Variants in CACNA1A observed in about 807,000 individuals in gnomAD.
CACNA1A encodes calcium voltage-gated channel subunit alpha1 A.
In CACNA1A, 57 loss-of-function variants were observed where a neutral mutation model predicts 262.4. The ratio of observed to expected loss-of-function variants is 0.22; its 90% CI spans 0.18 to 0.27. The LOEUF (loss-of-function observed/expected upper bound fraction) is 0.27, where lower values mean the gene tolerates loss of function less well. Ranked by LOEUF, CACNA1A falls within the 10% of genes least tolerant of loss-of-function variation. CACNA1A has a pLI of 1.00. For synonymous variants in CACNA1A, 1,431 were observed against 1,419.3 expected (o/e 1.01, Z -0.18); for missense variants, 2,526 against 3,562.8 (o/e 0.71, Z 7.41).
Position 13,406,509 on chromosome 19 carries a change from A to ATATATATATATATATATGTATG in CACNA1A, c.540-34731_540-34730insCATACATATATATATATATATA, listed in dbSNP as rs1487889235. 2.0e-4 allele frequency among the ~76,000 whole-genome samples: 22 copies of ATATATATATATATATATGTATG among 109,654 alleles called. 3 individuals carry two copies. Among genetic ancestry groups the ATATATATATATATATATGTATG allele is most frequent in the Middle Eastern group, 4.9e-3 (1 of 206 alleles). The allele number at this position is 109,654 out of a possible 152,430, so 71.9% of individuals were successfully genotyped here. On this transcript the variant is annotated intron_variant, in intron 3 of 46. Coordinates refer to ENST00000360228, the MANE Select transcript of CACNA1A (RefSeq NM_001127222.2). ...TATATATATATATATATATATATAT[A>ATATATATATATATATATGTATG]TATGAAGGGAATCTGATCCCTAACA...
At position 13,308,874 on chromosome 19, in the gene CACNA1A, C is replaced by T. The variant is rs72995527; in HGVS notation, c.1669-346G>A. 0.12 allele frequency: 21,013 copies of T among 168,238 alleles called. 1,642 individuals carry two copies. The highest frequency in any genetic ancestry group is 0.32 in the East Asian group (1,975 of 6,144). 10.4% of individuals were successfully genotyped at this position (168,238 alleles called of 1,614,324 possible). A position where few individuals can be genotyped will look rare whatever the true frequency, so the allele number is the denominator to read the frequency against. ...AAACATTTTTATAGAGATAGTGTCT[C>T]GCTAGTATTGCCCAGGCTGGCCTCA... is the stretch of plus-strand genomic sequence containing the variant. On this transcript the variant is annotated intron_variant, in intron 12 of 46. Transcript: ENST00000360228. The surrounding 1 kb of genome is among the most constrained non-coding windows in gnomAD (Gnocchi z 4.2).
intron 3 of CACNA1A, among the ~76,000 whole-genome samples, chr19:13,398,238 G>A (rs1337883979): frequency 1.3e-5 from 2 of 151,414 alleles, no homozygotes; most frequent in Non-Finnish European, 2.9e-5. Flanking sequence ...CTCATGCCTG[G>A]AGGATAAGAG....
intron 1 of CACNA1A, among the ~76,000 whole-genome samples, chr19:13,469,877 C>T (rs2145029885): frequency 6.6e-6 from 1 of 152,148 alleles, no homozygotes; most frequent in African/African-American, 2.4e-5. Flanking sequence ...CCTCTCCTGC[C>T]TTGTCAACCT....
intron 9 of CACNA1A, among the ~76,000 whole-genome samples, chr19:13,331,152 T>C (rs1326156590): frequency 1.3e-5 from 2 of 152,180 alleles, no homozygotes; most frequent in Non-Finnish European, 2.9e-5. Flanking sequence ...ATTCATTTTA[T>C]AACCTTCTGG....
At chr19:13,428,403 C>T (rs1479379139) in intron 3 of CACNA1A, among the ~76,000 whole-genome samples, 1 of 152,098 alleles carries the variant, frequency 6.6e-6, no homozygotes, top group Non-Finnish European at 1.5e-5. Context: ...TCTTGTTGAC[C>T]GATGTGTCAT....
At position 13,275,942 on chromosome 19, in the gene CACNA1A, C is replaced by G; in HGVS notation, c.3897G>C (p.Gly1299=). ...FEMVIKMIDL[G]LVLHQGAYFR... ...AGTAGGCACCCTGATGCAGGACGAGCCCCAGGTCAATCATCTGTGGGGGAG... is the reference window on the plus strand; with the variant it reads ...AGTAGGCACCCTGATGCAGGACGAGGCCCAGGTCAATCATCTGTGGGGGAG... The change falls in exon 24 of 47, where the codon GGG becomes GGC. Residue 1299 remains glycine (G), a synonymous_variant. Transcript: ENST00000360228. The G allele has an allele frequency of 1.2e-6, 2 of 1,612,584 alleles. No homozygotes were observed. The highest frequency in any genetic ancestry group is 1.7e-6 in the Non-Finnish European group (2 of 1,178,688).
In CACNA1A at chr19:13,308,050, G is replaced by A. The variant is rs1019637992; in HGVS notation, c.1913+70C>T. On this transcript the variant is annotated intron_variant, in intron 14 of 46. Coordinates refer to ENST00000360228, the MANE Select transcript of CACNA1A (RefSeq NM_001127222.2). This position sits in a 1 kb window ranked among gnomAD's most constrained non-coding sequence, Gnocchi z 4.2. ...CTACGAGGAAGGCAGCCTGCACGGT[G>A]GAGGGGACTGTGTGTTCCCTGAGCC... 8 of 1,586,278 alleles carry A rather than the reference G, an allele frequency of 5.0e-6. No individual in the cohort carries two copies. Among genetic ancestry groups the A allele is most frequent in the Middle Eastern group, 1.7e-4 (1 of 5,940 alleles).
intron 1 of CACNA1A, among the ~76,000 whole-genome samples, chr19:13,495,246 A>ACCCT (rs926546747): frequency 6.6e-6 from 1 of 152,100 alleles, no homozygotes; most frequent in Non-Finnish European, 1.5e-5. Flanking sequence ...ACTGTCCCCT[A>ACCCT]CCCTCAAGGA....
intron 19 of CACNA1A, among the ~76,000 whole-genome samples, chr19:13,298,218 C>T (rs1303084766): frequency 6.9e-6 from 1 of 144,076 alleles, no homozygotes; most frequent in Non-Finnish European, 1.5e-5. Context: ...GCAACCTCCG[C>T]CCCCTGTTTT....
chr19:13,481,503 T>C (rs982427788), intron 1 of CACNA1A, among the ~76,000 whole-genome samples: 1 of 140,326 alleles, frequency 7.1e-6, no homozygotes, highest in African/African-American at 2.6e-5. Flanking sequence ...AGCCCTATCA[T>C]CACAGATCCT....
At chr19:13,462,259 C>T (rs930393003) in intron 1 of CACNA1A, among the ~76,000 whole-genome samples, 1 of 152,126 alleles carries the variant, frequency 6.6e-6, no homozygotes, top group African/African-American at 2.4e-5. Context: ...GACCTTGTCT[C>T]CACTATGGGG....
At chr19:13,471,764 T>C (rs2061350411) in intron 1 of CACNA1A, among the ~76,000 whole-genome samples, 1 of 150,478 alleles carries the variant, frequency 6.6e-6, no homozygotes, top group South Asian at 2.1e-4. Flanking sequence ...TTACCAGGAG[T>C]GGTGGGGGTT....
At chr19:13,265,102 C>T (rs755845265) in intron 24 of CACNA1A, among the ~76,000 whole-genome samples, 7 of 152,052 alleles carry the variant, frequency 4.6e-5, no homozygotes, top group Admixed American at 6.6e-5. Context: ...CTCGAACTCC[C>T]GACCTCAAGT....
chr19:13,479,109 G>A (rs1978933549), intron 1 of CACNA1A, among the ~76,000 whole-genome samples: 2 of 152,206 alleles, frequency 1.3e-5, no homozygotes, highest in Non-Finnish European at 2.9e-5. Flanking sequence ...GGGAGGTGGA[G>A]GTTGCAGTGA....
intron 31 of CACNA1A, among the ~76,000 whole-genome samples, chr19:13,238,430 T>A (rs2055951440): frequency 6.6e-6 from 1 of 152,086 alleles, no homozygotes; most frequent in African/African-American, 2.4e-5. Context: ...TCCAGAAAAG[T>A]CCTACTACTT....
At chr19:13,289,525 A>T (rs1338270239) in intron 19 of CACNA1A, among the ~76,000 whole-genome samples, 3 of 152,144 alleles carry the variant, frequency 2.0e-5, no homozygotes, top group Non-Finnish European at 2.9e-5. Flanking sequence ...CACATTTTAA[A>T]ATTTGGGATA....
intron 3 of CACNA1A, among the ~76,000 whole-genome samples, chr19:13,374,950 C>T (rs532493727): frequency 6.6e-6 from 1 of 152,294 alleles, no homozygotes; most frequent in Non-Finnish European, 1.5e-5. Context: ...GGATTATGGA[C>T]GTGAGCCACC....
chr19:13,418,539 T>A (rs2060264253), intron 3 of CACNA1A, among the ~76,000 whole-genome samples: 1 of 152,132 alleles, frequency 6.6e-6, no homozygotes. Flanking sequence ...GGGGCCTAAA[T>A]GCAGTCATAT....
chr19:13,267,281 C>A (rs926418397), intron 24 of CACNA1A, among the ~76,000 whole-genome samples: 1 of 152,210 alleles, frequency 6.6e-6, no homozygotes, highest in Admixed American at 6.5e-5. Context: ...CACACGCACC[C>A]CTGAGCACCC....
Sources: allele counts gnomAD v4.1 joint callset (sites outside exome capture counted in the v4.1 genomes callset), GRCh38; gene constraint gnomAD v4.1.1; non-coding constraint Gnocchi (gnomAD v3.1); transcripts MANE v1.5; gene names NCBI Gene and HGNC (gene_info 2026-07-23, HGNC 2026-07-21).